Variants in FRAS1 observed in about 807,000 individuals in gnomAD.
FRAS1 encodes extracellular matrix organizing protein FRAS1.
FRAS1 carries 290 observed loss-of-function variants against 435.2 expected under a neutral mutation model. The observed-to-expected ratio is 0.67, with a 90% confidence interval of 0.61 to 0.73. The LOEUF (loss-of-function observed/expected upper bound fraction) is 0.73. FRAS1 is among the 30% of genes least tolerant of loss of function. FRAS1 has a pLI of 0.00. For missense variants in FRAS1, 4,860 were observed against 5,001.5 expected (o/e 0.97, Z 0.85); for synonymous variants, 1,800 against 1,851.0 (o/e 0.97, Z 0.71).
At chr4:78,454,166 T>C (rs911340291) in intron 47 of FRAS1, among the ~76,000 whole-genome samples, 3 of 132,032 alleles carry the variant, frequency 2.3e-5, no homozygotes, top group African/African-American at 9.7e-5. Flanking sequence ...CTGGCCACGC[T>C]GATACATAAA....
At chr4:78,181,926 C>T in intron 2 of FRAS1, 2 of 1,609,182 alleles carry the variant, frequency 1.2e-6, no homozygotes, top group South Asian at 1.1e-5. Flanking sequence ...CCCCTGCCGG[C>T]TTCTTTTTTC....
chr4:78,347,131 C>G (rs1730633630), intron 20 of FRAS1, among the ~76,000 whole-genome samples: 1 of 152,186 alleles, frequency 6.6e-6, no homozygotes, highest in African/African-American at 2.4e-5. Flanking sequence ...TGCTTTTCTT[C>G]CTTCTCTTGA....
Position 78,063,270 on chromosome 4 carries a change from G to A in FRAS1, c.77-2715G>A, listed in dbSNP as rs1217182046. On this transcript the variant is annotated intron_variant, in intron 1 of 73. Transcript: ENST00000512123. The stretch of plus-strand genomic sequence containing the variant: ...ACCCCTCAACTTCATCTGCTGGTGG[G>A]TGTGTGAGAGAAATATGCTTCCTTT... Among the ~76,000 whole-genome samples, 3 of 152,284 alleles carry A rather than the reference G, an allele frequency of 2.0e-5. No homozygotes were observed. The Middle Eastern group carries it at 0.01, about 518-fold the overall frequency.
At chr4:78,471,877 T>G (rs1719718494) in intron 51 of FRAS1, among the ~76,000 whole-genome samples, 1 of 152,160 alleles carries the variant, frequency 6.6e-6, no homozygotes. Flanking sequence ...CAGATGAAAT[T>G]AATCTTTTTC....
chr4:78,521,124 ATACCTCTGTTAAGTCCGGAAAGG>A (rs2109894014), intron 67 of FRAS1, among the ~76,000 whole-genome samples: 1 of 152,320 alleles, frequency 6.6e-6, no homozygotes, highest in African/African-American at 2.4e-5. Context: ...GACTTTGTTT[ATACCTCTGTTAAGTCCGGAAAGG>A]TATCTTGGCG....
intron 29 of FRAS1, among the ~76,000 whole-genome samples, chr4:78,393,343 G>A (rs1204714142): frequency 6.6e-6 from 1 of 151,854 alleles, no homozygotes; most frequent in Non-Finnish European, 1.5e-5. Context: ...TCTACTGCAG[G>A]TTTTTCTTCA....
At position 78,419,036 on chromosome 4, in the gene FRAS1, AT is replaced by A. The variant is rs1733659872; in HGVS notation, c.4514del (p.Ile1505ThrfsTer61). Reference sequence around the variant, plus strand: ...GCCAAGTGGAAAGATTGTCTACAACATCACTCTACCTCTGCATCCAAATCAA... The same window carrying A: ...GCCAAGTGGAAAGATTGTCTACAACACACTCTACCTCTGCATCCAAATCAA... ...EKPSGKIVYN[I>X]TLPLHPNQGI... On this transcript the variant is annotated frameshift_variant, in exon 33 of 74. Coordinates refer to ENST00000512123, the MANE Select transcript of FRAS1 (RefSeq NM_025074.7). LOFTEE classifies it high-confidence loss of function. 3 of 1,589,840 alleles carry A rather than the reference AT, an allele frequency of 1.9e-6. No homozygotes were observed. Among genetic ancestry groups the A allele is most frequent in the Non-Finnish European group, 2.6e-6 (3 of 1,169,646 alleles).
intron 6 of FRAS1, among the ~76,000 whole-genome samples, chr4:78,261,479 G>A (rs958925072): frequency 7.2e-5 from 11 of 152,046 alleles, no homozygotes; most frequent in African/African-American, 2.4e-4. Flanking sequence ...TTGAGTAAAC[G>A]GGAGTAGCAG....
chr4:78,477,368 G>A (rs1054683993), intron 54 of FRAS1, among the ~76,000 whole-genome samples: 4 of 152,158 alleles, frequency 2.6e-5, no homozygotes, highest in Non-Finnish European at 5.9e-5. Flanking sequence ...TAGTTGATGA[G>A]GAATCTGATG....
chr4:78,330,519 G>A (rs1235126033), intron 18 of FRAS1, among the ~76,000 whole-genome samples: 2 of 152,190 alleles, frequency 1.3e-5, no homozygotes, highest in Non-Finnish European at 2.9e-5. Context: ...AAAAGCAAAT[G>A]GGAGAAATAT....
intron 47 of FRAS1, among the ~76,000 whole-genome samples, chr4:78,463,556 C>G (rs1719435229): frequency 1.3e-5 from 2 of 152,172 alleles, no homozygotes; most frequent in African/African-American, 2.4e-5. Flanking sequence ...TCACCAATCA[C>G]AGAAACAAGG....
intron 28 of FRAS1, among the ~76,000 whole-genome samples, chr4:78,385,542 A>C (rs1329593304): frequency 6.6e-6 from 1 of 152,190 alleles, no homozygotes; most frequent in African/African-American, 2.4e-5. Flanking sequence ...AATGATCCTA[A>C]GTTAATTTGA....
intron 2 of FRAS1, among the ~76,000 whole-genome samples, chr4:78,157,294 A>G (rs539019313): frequency 5.3e-5 from 8 of 152,306 alleles, no homozygotes; most frequent in Admixed American, 1.3e-4. Flanking sequence ...ATGTACATGC[A>G]TATGTCTTTT....
intron 4 of FRAS1, among the ~76,000 whole-genome samples, chr4:78,249,250 C>T (rs995111231): frequency 6.9e-6 from 1 of 144,646 alleles, no homozygotes; most frequent in Non-Finnish European, 1.5e-5. Flanking sequence ...AGAGGGAATT[C>T]TTTTCATCAT....
Position 78,518,422 on chromosome 4 carries a change from G to GTATATATA in FRAS1, c.10390-885_10390-878dup, listed in dbSNP as rs71216219. Among the ~76,000 whole-genome samples, 176 of 135,686 alleles carry GTATATATA rather than the reference G, an allele frequency of 1.3e-3. 1 individual carries two copies. The highest frequency in any genetic ancestry group is 4.9e-3 in the African/African-American group (162 of 33,024). 89.0% of individuals were successfully genotyped at this position (135,686 alleles called of 152,430 possible). ...GTTTTAAGCTAAGTTTTTTTGTTGT[G>GTATATATA]TATATATATATATATATATATATAT... On this transcript the variant is annotated intron_variant, in intron 66 of 73. Transcript: ENST00000512123.
At chr4:78,293,917 T>A (rs1728024162) in intron 14 of FRAS1, among the ~76,000 whole-genome samples, 1 of 152,210 alleles carries the variant, frequency 6.6e-6, no homozygotes, top group Admixed American at 6.5e-5. Context: ...AAGTATCACA[T>A]ACCAGCAGAG....
At chr4:78,434,439 C>T (rs1734335336) in intron 38 of FRAS1, among the ~76,000 whole-genome samples, 1 of 152,126 alleles carries the variant, frequency 6.6e-6, no homozygotes, top group Admixed American at 6.5e-5. Context: ...CTCTCTAGGC[C>T]TCGGTTTTCC....
At chr4:78,532,519 G>T (rs72871395) in intron 70 of FRAS1, among the ~76,000 whole-genome samples, 2,791 of 152,284 alleles carry the variant, frequency 0.018, 87 homozygotes, top group African/African-American at 0.064. Context: ...ACGTGTGTGT[G>T]TATGATAAGA....
At chr4:78,129,786 C>G (rs530425878) in intron 2 of FRAS1, among the ~76,000 whole-genome samples, 1 of 152,142 alleles carries the variant, frequency 6.6e-6, no homozygotes, top group African/African-American at 2.4e-5. Context: ...GATCTGAGGC[C>G]GAGGTCCAAA....
Sources: allele counts gnomAD v4.1 joint callset (sites outside exome capture counted in the v4.1 genomes callset), GRCh38; gene constraint gnomAD v4.1.1; transcripts MANE v1.5; gene names NCBI Gene and HGNC (gene_info 2026-07-23, HGNC 2026-07-21).